Variants in RAP2C observed in about 807,000 individuals in gnomAD.
The protein encoded by RAP2C is RAP2C, member of RAS oncogene family, also known as ras-related protein Rap-2c.
Under a neutral mutation model 8.9 loss-of-function variants are expected in RAP2C, and 3 were observed. The observed-to-expected ratio is 0.34, with a 90% CI of 0.15 to 0.87. The LOEUF (loss-of-function observed/expected upper bound fraction) is 0.87, where lower values mean the gene tolerates loss of function less well. RAP2C is among the 40% of genes least tolerant of loss of function. RAP2C has a pLI of 0.51. For synonymous variants in RAP2C, 60 were observed against 52.1 expected, an observed-to-expected ratio of 1.15 and a Z score of -0.65; for missense variants, 76 against 133.7, an observed-to-expected ratio of 0.57 and a Z score of 2.13.
intron 4 of RAP2C, 163 bp from the exon 5 acceptor site, chrX:132,214,609 GAAGT>G (rs1379986571): frequency 1.6e-5 from 12 of 733,111 alleles, no homozygotes; most frequent in African/African-American, 2.3e-5. Flanking sequence ...TTTGTCCACT[GAAGT>G]AAGAACTAGA....
intron 4 of RAP2C, 86 bp from the exon 5 acceptor site, chrX:132,214,532 T>G (rs1930517689): frequency 5.5e-6 from 6 of 1,099,886 alleles, no homozygotes; most frequent in Non-Finnish European, 7.1e-6. Context: ...CAAAAAGTCA[T>G]ACCTCAGTGA....
rs767170048 is a variant in RAP2C, at chrX:132,214,285, T to G, written c.435A>C (p.Thr145=). ...CCACCATTGATTTACTTTTTGCCGATGTCTCCATGAAAGGACAGCCCCATT... is the reference window on the plus strand; with the variant it reads ...CCACCATTGATTTACTTTTTGCCGAGGTCTCCATGAAAGGACAGCCCCATT... The part of the protein sequence containing the change: ...AQEWGCPFME[T]SAKSKSMVDE... The change falls in exon 5 of 6, where the codon ACA becomes ACC. Residue 145 remains threonine, a synonymous_variant. Transcript: ENST00000370874. 1.7e-6 allele frequency: 2 copies of G among 1,212,081 alleles called. No homozygotes were observed. The highest frequency in any genetic ancestry group is 2.2e-6 in the Non-Finnish European group (2 of 895,598).
chrX:132,216,775 C>T (rs1239920913), intron 4 of RAP2C, among the ~76,000 whole-genome samples: 1 of 112,445 alleles, frequency 8.9e-6, no homozygotes, highest in East Asian at 2.8e-4. Flanking sequence ...TTTTCTTTCA[C>T]TTAAAAATAG....
At chrX:132,214,783 G>C (rs767018267) in intron 4 of RAP2C, among the ~76,000 whole-genome samples, 2 of 111,309 alleles carry the variant, frequency 1.8e-5, no homozygotes, top group African/African-American at 6.5e-5. Flanking sequence ...AGGATGTTTG[G>C]CCATCTCCCT....
intron 4 of RAP2C, among the ~76,000 whole-genome samples, 166 bp downstream of exon 4, chrX:132,216,830 T>C (rs1444478500): frequency 5.3e-5 from 6 of 112,298 alleles, no homozygotes; most frequent in Admixed American, 9.4e-5. Context: ...CTACGCTCTA[T>C]AGAAACAACC....
intron 5 of RAP2C, among the ~76,000 whole-genome samples, chrX:132,206,662 T>C (rs759977810): frequency 1.8e-5 from 2 of 112,226 alleles, no homozygotes; most frequent in Admixed American, 9.5e-5. Flanking sequence ...TTTAATTTCA[T>C]TTGACAGCTA....
intron 4 of RAP2C, among the ~76,000 whole-genome samples, chrX:132,216,024 A>C (rs1930569707): frequency 8.9e-6 from 1 of 112,639 alleles, no homozygotes; most frequent in Admixed American, 9.4e-5. Flanking sequence ...TAAGTAAGCT[A>C]CATTAAGTGC....
chrX:132,205,096 A>G lies in RAP2C; in HGVS notation c.*526T>C, dbSNP rs1042755962. ...TTCTTTTTACAACACTGCCACACGTAAACAAAGTCTCAAAGTATTAACCAA... is the reference window on the plus strand; with the variant it reads ...TTCTTTTTACAACACTGCCACACGTGAACAAAGTCTCAAAGTATTAACCAA... On this transcript the variant is annotated 3_prime_UTR_variant, in exon 6 of 6. Coordinates refer to ENST00000370874, the MANE Select transcript of RAP2C (RefSeq NM_001271186.2). 17 of 111,965 alleles carry G rather than the reference A, an allele frequency of 1.5e-4. No homozygotes were observed. Among genetic ancestry groups the G allele is most frequent in the African/African-American group, 5.2e-4 (16 of 30,842 alleles). The allele number at this position is 111,965 out of a possible 1,213,427, so 9.2% of individuals were successfully genotyped here.
rs145421254 is a variant in RAP2C, at chrX:132,206,076, G to A, written c.*35-489C>T. 6.0e-3 allele frequency among the ~76,000 whole-genome samples: 663 copies of A among 111,067 alleles called. 6 individuals are homozygous for A. Among genetic ancestry groups the A allele is most frequent in the African/African-American group, 0.021 (640 of 30,543 alleles). ...TTTTGAGAGATTAAAATAAGAAAAC[G>A]TCATTCAGGCCGGGCACAGTGGTTC... is the stretch of plus-strand genomic sequence containing the variant. On this transcript the variant is annotated intron_variant, in intron 5 of 5. Coordinates refer to ENST00000370874, the MANE Select transcript of RAP2C (RefSeq NM_001271186.2).
At chrX:132,216,224 T>A (rs184945623) in intron 4 of RAP2C, among the ~76,000 whole-genome samples, 8 of 111,780 alleles carry the variant, frequency 7.2e-5, no homozygotes, top group African/African-American at 2.6e-4. Flanking sequence ...TTGGACCACA[T>A]CCAGTTTGGC....
Position 132,203,549 on chromosome X carries a change from GAGAGAGAGAGAGAA to G in RAP2C, c.*2059_*2072del, listed in dbSNP as rs1402029931. ...AGAGAGAGAGAGAGAGAGAGAGAGA[GAGAGAGAGAGAGAA>G]ACAAGAACACAATCTACAGGAAAGA... is the stretch of plus-strand genomic sequence containing the variant. On this transcript the variant is annotated 3_prime_UTR_variant, in exon 6 of 6. Transcript: ENST00000370874. 4.9e-5 allele frequency: 4 copies of G among 81,191 alleles called. No homozygotes were observed. The highest frequency in any genetic ancestry group is 2.0e-4 in the African/African-American group (3 of 14,873). The allele number at this position is 81,191 out of a possible 1,213,427, so 6.7% of individuals were successfully genotyped here.
In RAP2C at chrX:132,213,687, T is replaced by C. The variant is rs1207617621; in HGVS notation, c.*34+447A>G. 2.7e-5 allele frequency among the ~76,000 whole-genome samples: 3 copies of C among 112,202 alleles called. No homozygotes were observed. The East Asian group carries it at 8.4e-4, about 31-fold the overall frequency. On this transcript the variant is annotated intron_variant, in intron 5 of 5. Coordinates refer to ENST00000370874, the MANE Select transcript of RAP2C (RefSeq NM_001271186.2). ...TACTGTTAATCAAGCACTTGGTGAT[T>C]AGTAAATTGGTGATTTTAATTGCAG...
At chrX:132,206,031 G>C (rs1930264044) in intron 5 of RAP2C, among the ~76,000 whole-genome samples, 2 of 111,563 alleles carry the variant, frequency 1.8e-5, no homozygotes, top group South Asian at 7.4e-4. Context: ...CAGTATGTTA[G>C]ACTTTTCCTA....
At chrX:132,215,925 A>AC (rs1251318354) in intron 4 of RAP2C, among the ~76,000 whole-genome samples, 1 of 111,982 alleles carries the variant, frequency 8.9e-6, no homozygotes, top group Admixed American at 9.4e-5. Flanking sequence ...CTATCAGGTT[A>AC]CTGGGAAAGT....
At chrX:132,219,261 A>G (rs1423978339) in intron 1 of RAP2C, 109 bp downstream of exon 1, 1 of 112,146 alleles carries the variant, frequency 8.9e-6, no homozygotes, top group Non-Finnish European at 1.9e-5. Flanking sequence ...GCCAAACTCT[A>G]TAAAGAGATT....
In RAP2C at chrX:132,208,102, G is replaced by C. The variant is rs1255169405; in HGVS notation, c.*35-2515C>G. Among the ~76,000 whole-genome samples the C allele has an allele frequency of 3.6e-5, 4 of 111,106 alleles. No homozygotes were observed. The East Asian group carries it at 1.1e-3, about 31-fold the overall frequency. On this transcript the variant is annotated intron_variant, in intron 5 of 5. Transcript: ENST00000370874. Reference sequence around the variant, plus strand: ...CCAAGTCGGGTAAATTGGTATACGAGAGTACCAAACACAGAACAAAAGGAA... The same window carrying C: ...CCAAGTCGGGTAAATTGGTATACGACAGTACCAAACACAGAACAAAAGGAA...
In RAP2C at chrX:132,214,304, C is replaced by T. The variant is rs1341675346; in HGVS notation, c.416G>A (p.Gly139Asp). 1.7e-6 allele frequency: 2 copies of T among 1,211,934 alleles called. No individual in the cohort carries two copies. The highest frequency in any genetic ancestry group is 4.3e-5 in the Admixed American group (2 of 46,076). Residue 139 changes from glycine (G) to aspartate (D), a missense_variant, in exon 5 of 6, where the codon GGC becomes GAC. Transcript: ENST00000370874. ...SEGRALAQEWGCPFMETSAKS... is the reference protein window; with the variant it reads ...SEGRALAQEWDCPFMETSAKS... Reference sequence around the variant, plus strand: ...TGCCGATGTCTCCATGAAAGGACAGCCCCATTCTTGAGCCAGAGCTCTGCC... The same window carrying T: ...TGCCGATGTCTCCATGAAAGGACAGTCCCATTCTTGAGCCAGAGCTCTGCC...
At chrX:132,215,151 T>C (rs1930539729) in intron 4 of RAP2C, among the ~76,000 whole-genome samples, 1 of 110,022 alleles carries the variant, frequency 9.1e-6, no homozygotes, top group Admixed American at 9.7e-5. Context: ...TTTTTACTAC[T>C]TGTTTCCCCA....
At position 132,203,895 on chromosome X, in the gene RAP2C, C is replaced by T. The variant is rs932423807; in HGVS notation, c.*1727G>A. 5.4e-5 allele frequency: 6 copies of T among 111,641 alleles called. No homozygotes were observed. The highest frequency in any genetic ancestry group is 5.6e-4 in the East Asian group (2 of 3,565). 9.2% of individuals were successfully genotyped at this position (111,641 alleles called of 1,213,427 possible). A position where few individuals can be genotyped will look rare whatever the true frequency, so the allele number is the denominator to read the frequency against. On this transcript the variant is annotated 3_prime_UTR_variant, in exon 6 of 6. Coordinates refer to ENST00000370874, the MANE Select transcript of RAP2C (RefSeq NM_001271186.2). ...ATTTGCTCAGGAATCAAATGCAACA[C>T]GATTTAAAAAAAGGAAATCAAAGTT...
Sources: gnomAD v4.1 joint callset for allele counts (sites outside exome capture counted in the v4.1 genomes callset) on GRCh38, gnomAD v4.1.1 for gene constraint, MANE v1.5 for transcripts, NCBI Gene and HGNC (gene_info 2026-07-23, HGNC 2026-07-21) for gene names.